Variants in RIC8B observed in about 807,000 individuals in gnomAD.
RIC8B encodes RIC8 guanine nucleotide exchange factor B, also known as chaperone Ric-8B.
Under a neutral mutation model 57.5 loss-of-function variants are expected in RIC8B, and 16 were observed. The ratio of observed to expected loss-of-function variants is 0.28; its 90% confidence interval spans 0.19 to 0.42. The LOEUF is 0.42. RIC8B is among the 10% of genes least tolerant of loss of function. The probability of loss-of-function intolerance (pLI) is 1.00; values close to 1 mark genes in which losing one functional copy is unlikely to be tolerated. For synonymous variants in RIC8B, 216 were observed against 250.8 expected (o/e 0.86, Z 1.31); for missense variants, 481 against 677.0 (o/e 0.71, Z 3.21).
At chr12:106,811,825 A>G (rs2045347221) in intron 2 of RIC8B, among the ~76,000 whole-genome samples, 1 of 152,184 alleles carries the variant, frequency 6.6e-6, no homozygotes, top group South Asian at 2.1e-4. Context: ...AGTAAAATCA[A>G]CTTAAATAGT....
chr12:106,788,993 C>A (rs1471622665), intron 2 of RIC8B, among the ~76,000 whole-genome samples: 1 of 152,114 alleles, frequency 6.6e-6, no homozygotes, highest in African/African-American at 2.4e-5. Context: ...TGCTGTGTTT[C>A]CCTTTTAAAG....
chr12:106,882,776 G>A (rs759340817), intron 9 of RIC8B, among the ~76,000 whole-genome samples: 2 of 152,118 alleles, frequency 1.3e-5, no homozygotes, highest in African/African-American at 2.4e-5. Flanking sequence ...CAGGCATTAC[G>A]TAGAGCCATG....
rs1324288950 is a variant in RIC8B at position 106,815,089 on chromosome 12, A to T, written c.526A>T (p.Thr176Ser). The change falls in exon 3 of 10, where the codon ACC becomes TCC. Residue 176 changes from threonine (T) to serine (S), a missense_variant. Coordinates refer to ENST00000392837, the MANE Select transcript of RIC8B (RefSeq NM_001330145.2). Reference sequence around the variant, plus strand: ...GCTCTTCCTTCTGTCACTTTTGCACACCGACATCAGGTCACAATTGCGCTA... The same window carrying T: ...GCTCTTCCTTCTGTCACTTTTGCACTCCGACATCAGGTCACAATTGCGCTA... ...RLLFLLSLLH[T>S]DIRSQLRYEL... 1 of 1,614,228 alleles carries T rather than the reference A, an allele frequency of 6.2e-7. No homozygotes were observed.
intron 4 of RIC8B, among the ~76,000 whole-genome samples, chr12:106,837,639 G>GTTTTT (rs375634080): frequency 1.6e-4 from 19 of 115,318 alleles, no homozygotes; most frequent in Admixed American, 2.8e-4. Flanking sequence ...AAAATCTTTT[G>GTTTTT]TTTTTTTTTT....
At chr12:106,833,203 C>T (rs2136368366) in intron 4 of RIC8B, among the ~76,000 whole-genome samples, 1 of 152,050 alleles carries the variant, frequency 6.6e-6, no homozygotes, top group African/African-American at 2.4e-5. Flanking sequence ...ATATATGCTG[C>T]TAAACTGACA....
chr12:106,856,602 G>A (rs569342298), intron 7 of RIC8B, among the ~76,000 whole-genome samples: 4 of 152,220 alleles, frequency 2.6e-5, no homozygotes, highest in East Asian at 3.9e-4. Context: ...GGCAGAGTTC[G>A]TCATTTTCTC....
chr12:106,797,164 C>T (rs1006737725), intron 2 of RIC8B, among the ~76,000 whole-genome samples: 3 of 152,120 alleles, frequency 2.0e-5, no homozygotes, highest in Non-Finnish European at 4.4e-5. Context: ...TGGGTGTCTA[C>T]CCAAGAGAAG....
chr12:106,859,518 G>C (rs1333069187), intron 7 of RIC8B, among the ~76,000 whole-genome samples: 10 of 151,842 alleles, frequency 6.6e-5, no homozygotes, highest in Non-Finnish European at 1.3e-4. Flanking sequence ...AAGAATGATT[G>C]TTTACTTCTT....
At chr12:106,786,489 C>A (rs1269329640) in intron 2 of RIC8B, among the ~76,000 whole-genome samples, 1 of 152,110 alleles carries the variant, frequency 6.6e-6, no homozygotes, top group African/African-American at 2.4e-5. Flanking sequence ...GAAATAAATA[C>A]TCATATATCT....
chr12:106,802,772 A>C (rs926228694), intron 2 of RIC8B, among the ~76,000 whole-genome samples: 1 of 152,110 alleles, frequency 6.6e-6, no homozygotes, highest in Non-Finnish European at 1.5e-5. Flanking sequence ...TTTCTGCTGT[A>C]GCTTTCTCTG....
intron 9 of RIC8B, chr12:106,878,855 G>C (rs979297273): frequency 8.2e-5 from 26 of 315,326 alleles, no homozygotes; most frequent in Non-Finnish European, 1.1e-4. Flanking sequence ...TCTAATCATA[G>C]AACAAAATAT....
rs1320581093 is a variant in RIC8B at position 106,879,655 on chromosome 12, A to G, written c.1572-6249A>G. ...CAGTCCCAAGGGTTAGGCTGGGGCA[A>G]AATAGGGTTTCCTTTCTTGGACGTG... On this transcript the variant is annotated intron_variant, in intron 9 of 9. Coordinates refer to ENST00000392837, the MANE Select transcript of RIC8B (RefSeq NM_001330145.2). The surrounding 1 kb of genome is among the most constrained non-coding windows in gnomAD (Gnocchi z 4.9). The G allele has an allele frequency of 3.0e-6, 3 of 985,290 alleles. No homozygotes were observed. Among genetic ancestry groups the G allele is most frequent in the African/African-American group, 3.5e-5 (2 of 57,238 alleles). The allele number at this position is 985,290 out of a possible 1,614,324, so 61.0% of individuals were successfully genotyped here.
In RIC8B at chr12:106,774,758, C is replaced by G; in HGVS notation, c.13C>G (p.Arg5Gly). The G allele has an allele frequency of 6.4e-7, 1 of 1,550,700 alleles. No individual in the cohort carries two copies. The highest frequency in any genetic ancestry group is 8.7e-7 in the Non-Finnish European group (1 of 1,146,478). ...CGCACCTGCGGCCATGGATGAGGAG[C>G]GCGCCCTCTACATCGTCCGGGCCGG... is the stretch of plus-strand genomic sequence containing the variant. MDEE[R>G]ALYIVRAGEA... Residue 5 changes from arginine to glycine, a missense_variant, in exon 1 of 10, where the codon CGC (arginine) becomes GGC (glycine). Transcript: ENST00000392837.
rs1323390311 is a variant in RIC8B at position 106,886,517 on chromosome 12, A to G, written c.*502A>G. 6.5e-6 allele frequency: 1 copy of G among 153,040 alleles called. No individual in the cohort carries two copies. The highest frequency in any genetic ancestry group is 3.2e-3 in the Middle Eastern group (1 of 316). The allele number at this position is 153,040 out of a possible 1,614,324, so 9.5% of individuals were successfully genotyped here. A position where few individuals can be genotyped will look rare whatever the true frequency, so the allele number is the denominator to read the frequency against. On this transcript the variant is annotated 3_prime_UTR_variant, in exon 10 of 10. Transcript: ENST00000392837. ...GCAGCTGCTCCATAAACCTAGCCCC[A>G]TTCTTCATATCAATTTTGTATAAAT...
At chr12:106,859,793 CT>C in intron 7 of RIC8B, among the ~76,000 whole-genome samples, 1 of 152,176 alleles carries the variant, frequency 6.6e-6, no homozygotes, top group Middle Eastern at 3.4e-3. Context: ...TGCTAATATT[CT>C]TCCTTAAGTT....
intron 2 of RIC8B, among the ~76,000 whole-genome samples, chr12:106,806,058 T>C (rs1319137568): frequency 6.6e-6 from 1 of 152,206 alleles, no homozygotes; most frequent in Non-Finnish European, 1.5e-5. Flanking sequence ...CAAGCGACTC[T>C]TCTGCCTCAG....
rs1368628403 is a variant in RIC8B at position 106,860,289 on chromosome 12, C to G, written c.1328C>G (p.Thr443Ser). Residue 443 changes from threonine (T) to serine (S), a missense_variant, in exon 8 of 10, where the codon ACT (threonine) becomes AGT (serine). Thr to Ser is a moderately conservative substitution (Grantham distance 58, BLOSUM62 1). This residue lies in a region of RIC8B where 421 missense variants were observed against 560.9 expected (regional missense o/e 0.75). Coordinates refer to ENST00000392837, the MANE Select transcript of RIC8B (RefSeq NM_001330145.2). ...KERVDSLLKY[T>S]GYGNAAGLLA... ...GCAGTGGATAGTCTGCTGAAATACA[C>G]TGGCTATGGGAATGCTGCAGGACTG... 2 of 1,594,932 alleles carry G rather than the reference C, an allele frequency of 1.3e-6. No homozygotes were observed. Among genetic ancestry groups the G allele is most frequent in the South Asian group, 1.1e-5 (1 of 87,920 alleles).
At chr12:106,854,391 A>G (rs1158413572) in intron 7 of RIC8B, among the ~76,000 whole-genome samples, 1 of 152,222 alleles carries the variant, frequency 6.6e-6, no homozygotes, top group East Asian at 1.9e-4. Flanking sequence ...GGATATGCCA[A>G]GTAAATTTGA....
At chr12:106,775,405 A>T (rs772208332) in intron 1 of RIC8B, 1 of 455,822 alleles carries the variant, frequency 2.2e-6, no homozygotes, top group Non-Finnish European at 4.4e-6. Context: ...ATCACGCCCA[A>T]GGTCATGGAC....
Sources: allele counts gnomAD v4.1 joint callset (sites outside exome capture counted in the v4.1 genomes callset), GRCh38; gene constraint gnomAD v4.1.1; regional missense constraint gnomAD v4.1.1; non-coding constraint Gnocchi (gnomAD v3.1); transcripts MANE v1.5; gene names NCBI Gene and HGNC (gene_info 2026-07-23, HGNC 2026-07-21).